BCAT1: variants seen among roughly 807,000 people sequenced by gnomAD.
BCAT1 encodes branched-chain-amino-acid aminotransferase, cytosolic.
Under a neutral mutation model 52.4 loss-of-function variants are expected in BCAT1, and 48 were observed. The observed-to-expected ratio is 0.92, with a 90% confidence interval of 0.73 to 1.16. BCAT1 has a LOEUF of 1.16. Ranked by LOEUF, BCAT1 falls within the 50% of genes most tolerant of loss-of-function variation. The pLI, the probability that BCAT1 is intolerant of heterozygous loss-of-function variation, is 0.00. For missense variants in BCAT1, 451 were observed against 457.1 expected (o/e 0.99, Z 0.12); for synonymous variants, 167 against 161.3 (o/e 1.04, Z -0.27).
intron 6 of BCAT1, among the ~76,000 whole-genome samples, chr12:24,843,848 A>G (rs149225329): frequency 1.8e-3 from 268 of 152,132 alleles, no homozygotes; most frequent in Non-Finnish European, 2.8e-3. Flanking sequence ...TTTTGGGTGC[A>G]TTCACTCATT....
chr12:24,824,272 C>CCTTCCTTCCTTCCT (rs1477491998), intron 10 of BCAT1, among the ~76,000 whole-genome samples: 12,381 of 124,438 alleles, frequency 0.099, 1,620 homozygotes, highest in African/African-American at 0.16. Flanking sequence ...CCTTCATTCC[C>CCTTCCTTCCTTCCT]TCCCTCCCTC....
chr12:24,948,032 G>A (rs1281486376), intron 1 of BCAT1, among the ~76,000 whole-genome samples: 1 of 152,226 alleles, frequency 6.6e-6, no homozygotes, highest in African/African-American at 2.4e-5. Flanking sequence ...TTGTAGATAA[G>A]AGCAGTTGAG....
intron 5 of BCAT1, among the ~76,000 whole-genome samples, chr12:24,877,057 CAATTCACGA>C (rs1294989592): frequency 6.6e-6 from 1 of 152,156 alleles, no homozygotes; most frequent in Non-Finnish European, 1.5e-5. Flanking sequence ...AGAGAGACTG[CAATTCACGA>C]AATTCATTAT....
At chr12:24,842,560 AT>A (rs1941207790) in intron 6 of BCAT1, among the ~76,000 whole-genome samples, 2 of 152,200 alleles carry the variant, frequency 1.3e-5, no homozygotes, top group South Asian at 4.1e-4. Context: ...TTTTACATGA[AT>A]TATTTCATTT....
At position 24,836,618 on chromosome 12, in the gene BCAT1, A is replaced by G. The variant is rs754952099; in HGVS notation, c.818-22T>C. ...TCTTCTGTCAATCAGAAATTGGGAC[A>G]TTTTCAAACTTTCACTACATTAGGC... On this transcript the variant is annotated intron_variant, in intron 7 of 10. Transcript: ENST00000261192. The G allele has an allele frequency of 3.2e-6, 5 of 1,586,860 alleles. No homozygotes were observed. The Admixed American group carries it at 8.6e-5, about 27-fold the overall frequency.
chr12:24,880,748 T>C (rs1942467676), intron 4 of BCAT1, among the ~76,000 whole-genome samples: 1 of 152,180 alleles, frequency 6.6e-6, no homozygotes, highest in Non-Finnish European at 1.5e-5. Flanking sequence ...CCTTACTCTT[T>C]CATCTCTCAC....
At chr12:24,880,626 C>T (rs1374876700) in intron 4 of BCAT1, among the ~76,000 whole-genome samples, 1 of 152,104 alleles carries the variant, frequency 6.6e-6, no homozygotes, top group Non-Finnish European at 1.5e-5. Flanking sequence ...GCATCTAAAG[C>T]AATTAGGCAA....
intron 2 of BCAT1, among the ~76,000 whole-genome samples, chr12:24,896,185 G>A (rs1011329939): frequency 3.3e-5 from 5 of 152,218 alleles, no homozygotes; most frequent in Middle Eastern, 3.4e-3. Flanking sequence ...AAGTAAAAAC[G>A]TTAATTTAAG....
rs1270866470 is a variant in BCAT1 at position 24,810,257 on chromosome 12, AC to A, written c.*7750del. The A allele has an allele frequency of 2.0e-5, 3 of 152,222 alleles. No homozygotes were observed. Among genetic ancestry groups the A allele is most frequent in the African/African-American group, 7.2e-5 (3 of 41,454 alleles). 9.4% of individuals were successfully genotyped at this position (152,222 alleles called of 1,614,324 possible). Reference sequence around the variant, plus strand: ...AAATGCGATCCTGCAAGTTGTCACCACTATACATAAAGTCAGGCTATGATAG... The same window carrying A: ...AAATGCGATCCTGCAAGTTGTCACCATATACATAAAGTCAGGCTATGATAG... On this transcript the variant is annotated 3_prime_UTR_variant, in exon 11 of 11. Transcript: ENST00000261192.
In BCAT1 at chr12:24,811,397, T is replaced by C. The variant is rs1318080328; in HGVS notation, c.*6611A>G. ...TTTGTTTTATTGATAACAGAAACTG[T>C]GCATAATTACAGATTTGATGAGGAA... On this transcript the variant is annotated 3_prime_UTR_variant, in exon 11 of 11. Coordinates refer to ENST00000261192, the MANE Select transcript of BCAT1 (RefSeq NM_005504.7). 6.6e-6 allele frequency: 1 copy of C among 152,170 alleles called. No individual in the cohort carries two copies. The highest frequency in any genetic ancestry group is 1.9e-4 in the East Asian group (1 of 5,194). The allele number at this position is 152,170 out of a possible 1,614,324, so 9.4% of individuals were successfully genotyped here.
chr12:24,844,355 C>T (rs1425428913), intron 6 of BCAT1, among the ~76,000 whole-genome samples: 2 of 151,902 alleles, frequency 1.3e-5, no homozygotes, highest in Admixed American at 6.6e-5. Flanking sequence ...TGCTTGAACT[C>T]GGGAGGCGGA....
intron 2 of BCAT1, among the ~76,000 whole-genome samples, chr12:24,899,518 C>A (rs942888727): frequency 6.6e-6 from 1 of 151,528 alleles, no homozygotes; most frequent in Admixed American, 6.6e-5. Flanking sequence ...TATAAACCAA[C>A]AATCCTACTA....
At chr12:24,923,210 G>A (rs938588527) in intron 1 of BCAT1, among the ~76,000 whole-genome samples, 1 of 152,128 alleles carries the variant, frequency 6.6e-6, no homozygotes, top group African/African-American at 2.4e-5. Context: ...ATTCTTTTCA[G>A]GGAATGGTGA....
At chr12:24,933,961 CT>C (rs1943717226) in intron 1 of BCAT1, among the ~76,000 whole-genome samples, 1 of 152,072 alleles carries the variant, frequency 6.6e-6, no homozygotes, top group Non-Finnish European at 1.5e-5. Context: ...CACATGAATT[CT>C]CCTCTTGGCC....
chr12:24,828,259 A>G (rs184954777), intron 10 of BCAT1, among the ~76,000 whole-genome samples: 1 of 152,372 alleles, frequency 6.6e-6, no homozygotes, highest in East Asian at 1.9e-4. Context: ...ACTGGCTTCA[A>G]CAAAGTCTTC....
At chr12:24,943,811 CG>C (rs542554482) in intron 1 of BCAT1, among the ~76,000 whole-genome samples, 290 of 151,822 alleles carry the variant, frequency 1.9e-3, no homozygotes, top group Non-Finnish European at 2.2e-3. Context: ...GGTGAAACCC[CG>C]TCTCTACAAA....
intron 1 of BCAT1, among the ~76,000 whole-genome samples, chr12:24,947,691 G>A (rs764421929): frequency 6.6e-6 from 1 of 152,174 alleles, no homozygotes; most frequent in Non-Finnish European, 1.5e-5. Context: ...AGGGACAGGG[G>A]TTTTTGGACC....
At position 24,826,686 on chromosome 12, in the gene BCAT1, T is replaced by G. The variant is rs1940411149; in HGVS notation, c.1119+3137A>C. ...ATTTCTGTGAAGAAAGTCATCAGTATTTTAATAGGGATTGCATTGAATCTG... is the reference window on the plus strand; with the variant it reads ...ATTTCTGTGAAGAAAGTCATCAGTAGTTTAATAGGGATTGCATTGAATCTG... On this transcript the variant is annotated intron_variant, in intron 10 of 10. Transcript: ENST00000261192. Among the ~76,000 whole-genome samples the G allele has an allele frequency of 3.3e-5, 5 of 152,336 alleles. No individual in the cohort carries two copies. In the South Asian group the frequency reaches 1.0e-3, roughly 32 times the overall value.
At chr12:24,919,445 A>G (rs1395231680) in intron 1 of BCAT1, among the ~76,000 whole-genome samples, 1 of 152,200 alleles carries the variant, frequency 6.6e-6, no homozygotes, top group Admixed American at 6.5e-5. Context: ...ATTATCTAGT[A>G]TCTAGTAGAT....
Sources: gnomAD v4.1 joint callset for allele counts (sites outside exome capture counted in the v4.1 genomes callset) on GRCh38, gnomAD v4.1.1 for gene constraint, MANE v1.5 for transcripts, NCBI Gene and HGNC (gene_info 2026-07-23, HGNC 2026-07-21) for gene names.